LVRN: variants seen among roughly 807,000 people sequenced by gnomAD.
LVRN encodes laeverin.
In LVRN, 99 loss-of-function variants were observed where a neutral mutation model predicts 111.4. The ratio of observed to expected loss-of-function variants is 0.89; its 90% CI spans 0.76 to 1.05. The LOEUF (loss-of-function observed/expected upper bound fraction) is 1.05. Among genes scored for constraint, LVRN ranks in the 50% least tolerant of loss-of-function variants. The pLI, the probability that LVRN is intolerant of heterozygous loss-of-function variation, is 0.00. For missense variants in LVRN, 1,414 were observed against 1,206.8 expected (o/e 1.17, Z -2.54); for synonymous variants, 488 against 449.5 (o/e 1.09, Z -1.08).
chr5:115,979,204 C>T (rs1753511969), intron 1 of LVRN, among the ~76,000 whole-genome samples: 1 of 152,150 alleles, frequency 6.6e-6, no homozygotes, highest in Non-Finnish European at 1.5e-5. Flanking sequence ...AAGGCAGCAG[C>T]ACTCCAAAGA....
chr5:116,016,656 A>C lies in LVRN; in HGVS notation c.2756+891A>C, dbSNP rs150026549. ...CTCACAGTGCATTTTAGCCTTATAA[A>C]GTCTACAAGAAGCCCTGCAGAAGGA... On this transcript the variant is annotated intron_variant, in intron 18 of 19. Transcript: ENST00000357872. 5.3e-3 allele frequency among the ~76,000 whole-genome samples: 805 copies of C among 152,314 alleles called. 6 individuals carry two copies. The highest frequency in any genetic ancestry group is 0.018 in the African/African-American group (753 of 41,568).
intron 6 of LVRN, among the ~76,000 whole-genome samples, chr5:115,995,954 G>A (rs1748098476): frequency 5.7e-5 from 2 of 35,286 alleles, no homozygotes; most frequent in Admixed American, 2.6e-4. Flanking sequence ...AATCGTGTGT[G>A]TGTGTGTGTG....
At chr5:115,963,431 C>T (rs1416843214) in intron 1 of LVRN, 119 bp downstream of exon 1, 1 of 660,786 alleles carries the variant, frequency 1.5e-6, no homozygotes, top group Non-Finnish European at 2.5e-6. Context: ...CAAAGAATCC[C>T]CTTGCGACGT....
chr5:116,018,162 A>G (rs1748640128), intron 18 of LVRN, among the ~76,000 whole-genome samples: 1 of 152,194 alleles, frequency 6.6e-6, no homozygotes, highest in African/African-American at 2.4e-5. Flanking sequence ...ACAGCCACCC[A>G]TAAAATAATT....
chr5:116,015,407 G>T lies in LVRN; in HGVS notation c.2606G>T (p.Trp869Leu), dbSNP rs1748581110. ...GCAATGAGCTGCAGCAAAGACCCAT[G>T]GATACTTAACAGGTGATTATGGTCA... The part of the protein sequence containing the change: ...AYAMSCSKDP[W>L]ILNRYMEYAI... Residue 869 changes from tryptophan to leucine, a missense_variant, in exon 17 of 20, where the codon TGG (tryptophan) becomes TTG (leucine). Coordinates refer to ENST00000357872, the MANE Select transcript of LVRN (RefSeq NM_173800.5). 2 of 1,543,500 alleles carry T rather than the reference G, an allele frequency of 1.3e-6. No homozygotes were observed. Among genetic ancestry groups the T allele is most frequent in the African/African-American group, 2.9e-5 (2 of 69,426 alleles).
chr5:115,988,092 C>T (rs1747910138), intron 4 of LVRN, among the ~76,000 whole-genome samples, 153 bp downstream of exon 4: 1 of 152,188 alleles, frequency 6.6e-6, no homozygotes, highest in African/African-American at 2.4e-5. Flanking sequence ...CTTATACCTT[C>T]TGAAACACAC....
At chr5:115,996,424 T>C (rs1289922571) in intron 6 of LVRN, among the ~76,000 whole-genome samples, 1 of 152,222 alleles carries the variant, frequency 6.6e-6, no homozygotes, top group Non-Finnish European at 1.5e-5. Flanking sequence ...TAGTTGCTTG[T>C]GGAGCTGAGT....
At chr5:115,993,883 A>AT in intron 6 of LVRN, 29 bp downstream of exon 6, 1 of 1,348,524 alleles carries the variant, frequency 7.4e-7, no homozygotes, top group Non-Finnish European at 1.0e-6. Flanking sequence ...TTTATTTAAC[A>AT]TTTTTCTCCT....
chr5:116,022,524 A>G (rs1221533464), intron 19 of LVRN, 58 bp downstream of exon 19: 7 of 1,174,518 alleles, frequency 6.0e-6, no homozygotes, highest in East Asian at 2.4e-5. Context: ...TTTTTATGCA[A>G]TTTGGACTTG....
intron 1 of LVRN, chr5:115,974,636 A>G (rs1227165776): frequency 1.3e-5 from 2 of 157,150 alleles, no homozygotes; most frequent in Non-Finnish European, 2.8e-5. Context: ...TTTCCAAAAT[A>G]TTCATCAATT....
chr5:116,008,885 G>T (rs1748431996), intron 13 of LVRN, among the ~76,000 whole-genome samples: 2 of 152,212 alleles, frequency 1.3e-5, no homozygotes, highest in African/African-American at 4.8e-5. Context: ...AGAAGTTATA[G>T]TAAGTTATCC....
chr5:116,015,325 T>G lies in LVRN; in HGVS notation c.2524T>G (p.Leu842Val). The change falls in exon 17 of 20, where the codon TTG becomes GTG. Residue 842 changes from leucine to valine, a missense_variant. By Grantham distance (32) the Leu-to-Val change is conservative. Transcript: ENST00000357872. Reference sequence around the variant, plus strand: ...GGGAAGTGATAAAGAGTGGGACATCTTGTTAAATACTTACACTAATACAAC... The same window carrying G: ...GGGAAGTGATAAAGAGTGGGACATCGTGTTAAATACTTACACTAATACAAC... ...ALGSDKEWDI[L>V]LNTYTNTTNK... 1 of 1,612,624 alleles carries G rather than the reference T, an allele frequency of 6.2e-7. No homozygotes were observed. Among genetic ancestry groups the G allele is most frequent in the Non-Finnish European group, 8.5e-7 (1 of 1,179,386 alleles).
chr5:115,984,323 T>C (rs561149360), intron 2 of LVRN, among the ~76,000 whole-genome samples: 1 of 152,222 alleles, frequency 6.6e-6, no homozygotes, highest in Non-Finnish European at 1.5e-5. Flanking sequence ...AAGTTTATAG[T>C]GCTCGTGGAT....
intron 1 of LVRN, chr5:115,974,755 G>A (rs1753403415): frequency 4.9e-6 from 1 of 204,238 alleles, no homozygotes; most frequent in African/African-American, 2.3e-5. Flanking sequence ...GTGTTCCATG[G>A]AAAATTGTAA....
At chr5:116,015,095 G>T (rs1322450208) in intron 16 of LVRN, among the ~76,000 whole-genome samples, 157 bp from the exon 17 acceptor site, 1 of 152,036 alleles carries the variant, frequency 6.6e-6, no homozygotes, top group African/African-American at 2.4e-5. Context: ...TGGAACTAAT[G>T]CTAATGACAG....
At chr5:115,969,725 G>A (rs570059295) in intron 1 of LVRN, among the ~76,000 whole-genome samples, 41 of 151,252 alleles carry the variant, frequency 2.7e-4, no homozygotes, top group African/African-American at 7.5e-4. Context: ...GCTTGAACTC[G>A]GGAGGCAGAG....
intron 18 of LVRN, chr5:116,021,712 T>C (rs1310201054): frequency 6.6e-6 from 3 of 452,186 alleles, no homozygotes; most frequent in Non-Finnish European, 1.3e-5. Flanking sequence ...GCACCCAAAG[T>C]CTTTTATTTA....
At chr5:115,979,931 G>A (rs930056087) in intron 1 of LVRN, among the ~76,000 whole-genome samples, 2 of 152,166 alleles carry the variant, frequency 1.3e-5, no homozygotes, top group Admixed American at 6.5e-5. Flanking sequence ...TTTTGTTTAT[G>A]TTGTAGTAGG....
intron 1 of LVRN, among the ~76,000 whole-genome samples, chr5:115,968,743 T>C (rs538307579): frequency 6.6e-6 from 1 of 152,354 alleles, no homozygotes; most frequent in East Asian, 1.9e-4. Flanking sequence ...CTTCTGACGG[T>C]ATAACCCTCA....
Sources: gnomAD v4.1 joint callset for allele counts (sites outside exome capture counted in the v4.1 genomes callset) on GRCh38, gnomAD v4.1.1 for gene constraint, MANE v1.5 for transcripts, NCBI Gene and HGNC (gene_info 2026-07-23, HGNC 2026-07-21) for gene names.